Variants in IKBKB-DT observed in about 807,000 individuals in gnomAD.
IKBKB-DT encodes the protein IKBKB divergent transcript.
chr8:42,250,896 A>G (rs1205633887), intron 3 of IKBKB-DT, among the ~76,000 whole-genome samples: 1 of 152,178 alleles, frequency 6.6e-6, no homozygotes, highest in Non-Finnish European at 1.5e-5. Flanking sequence ...AACAAACAAA[A>G]AAACATATTA....
At chr8:42,237,546 C>T (rs1806940645) in intron 3 of IKBKB-DT, among the ~76,000 whole-genome samples, 1 of 151,962 alleles carries the variant, frequency 6.6e-6, no homozygotes, top group Admixed American at 6.6e-5. Flanking sequence ...AGAGGGGGGC[C>T]CTTTCAGTTG....
chr8:42,248,832 G>A (rs1451952479), intron 3 of IKBKB-DT, among the ~76,000 whole-genome samples: 2 of 148,608 alleles, frequency 1.3e-5, no homozygotes, highest in Non-Finnish European at 3.0e-5. Flanking sequence ...AGCTGAGATC[G>A]TGCCCCTGTA....
rs773177896 is a variant in IKBKB-DT at position 42,241,224 on chromosome 8, C to CTTTTTTTTTT, written n.1530-7375_1530-7366dup. On this transcript the variant is annotated intron_variant and non_coding_transcript_variant, in intron 3 of 3. Transcript: ENST00000518213. ...TTGATGCCTTTAGATATGTTGGAAT[C>CTTTTTTTTTT]TTTTTTTTTTTTTTTTTTTTTTTTT... Among the ~76,000 whole-genome samples, 180 of 45,686 alleles carry CTTTTTTTTTT rather than the reference C, an allele frequency of 3.9e-3. 64 individuals carry two copies. The highest frequency in any genetic ancestry group is 6.0e-3 in the Admixed American group (14 of 2,332). 30.0% of individuals were successfully genotyped at this position (45,686 alleles called of 152,430 possible). A position where few individuals can be genotyped will look rare whatever the true frequency, so the allele number is the denominator to read the frequency against.
intron 2 of IKBKB-DT, among the ~76,000 whole-genome samples, chr8:42,264,417 A>G (rs1381450039): frequency 6.6e-6 from 1 of 152,022 alleles, no homozygotes; most frequent in Non-Finnish European, 1.5e-5. Context: ...GGGCTTCCCA[A>G]TGTCCTGGGA....
chr8:42,238,717 C>T (rs544678918), intron 3 of IKBKB-DT, among the ~76,000 whole-genome samples: 1 of 152,132 alleles, frequency 6.6e-6, no homozygotes, highest in East Asian at 1.9e-4. Context: ...AATTCTGGGA[C>T]CAACTGACTC....
At chr8:42,239,439 C>CA (rs1220555191) in intron 3 of IKBKB-DT, among the ~76,000 whole-genome samples, 2 of 151,494 alleles carry the variant, frequency 1.3e-5, no homozygotes, top group African/African-American at 4.8e-5. Context: ...CCCACCAGCT[C>CA]AGCCTAATTT....
intron 3 of IKBKB-DT, among the ~76,000 whole-genome samples, chr8:42,256,530 C>T (rs1335557858): frequency 6.6e-6 from 1 of 152,048 alleles, no homozygotes; most frequent in Non-Finnish European, 1.5e-5. Context: ...CAAGATTGTG[C>T]CATTGCACTC....
exon 2 of IKBKB-DT, among the ~76,000 whole-genome samples, chr8:42,265,965 T>C (rs1442476606): frequency 1.3e-5 from 2 of 152,194 alleles, no homozygotes; most frequent in Admixed American, 1.3e-4. Context: ...CAGCCAGCTC[T>C]GCATGGAGCC....
intron 3 of IKBKB-DT, among the ~76,000 whole-genome samples, chr8:42,234,923 C>T (rs1234389913): frequency 6.6e-6 from 1 of 152,322 alleles, no homozygotes; most frequent in South Asian, 2.1e-4. Context: ...AGCAACTGCG[C>T]TGGCCTATTT....
chr8:42,256,089 G>A (rs2979889), intron 3 of IKBKB-DT, among the ~76,000 whole-genome samples: 3,472 of 151,664 alleles, frequency 0.023, 65 homozygotes, highest in Middle Eastern at 0.045. Context: ...ATGAAAATAA[G>A]AATAGCCAGT....
intron 3 of IKBKB-DT, among the ~76,000 whole-genome samples, chr8:42,260,849 A>C (rs1213310191): frequency 6.6e-6 from 1 of 152,088 alleles, no homozygotes; most frequent in African/African-American, 2.4e-5. Context: ...ACCTCTTAGG[A>C]CTTAAAACCA....
chr8:42,252,727 G>T (rs116466310), intron 3 of IKBKB-DT, among the ~76,000 whole-genome samples: 257 of 152,304 alleles, frequency 1.7e-3, no homozygotes, highest in African/African-American at 5.9e-3. Flanking sequence ...AAAAGAAATA[G>T]TGCTGAATCT....
At chr8:42,235,770 G>T (rs1009710759) in intron 3 of IKBKB-DT, among the ~76,000 whole-genome samples, 1 of 152,100 alleles carries the variant, frequency 6.6e-6, no homozygotes, top group African/African-American at 2.4e-5. Context: ...CAATTAAACC[G>T]TCTTTACTGC....
chr8:42,246,926 G>A (rs186304675), intron 3 of IKBKB-DT, among the ~76,000 whole-genome samples: 1 of 152,120 alleles, frequency 6.6e-6, no homozygotes, highest in Admixed American at 6.6e-5. Context: ...ATCATAGGGA[G>A]CAGACAACCT....
In IKBKB-DT at chr8:42,253,433, A is replaced by AGCAGCTTCAGCTTTT. The variant is rs528913475; in HGVS notation, n.1529+9881_1529+9895dup. ...ATACTCTAAAGTTAATATCAAGTCA[A>AGCAGCTTCAGCTTTT]GCAGCTTCAGCTTTTGCAGCTTCAT... On this transcript the variant is annotated intron_variant and non_coding_transcript_variant, in intron 3 of 3. Transcript: ENST00000518213. Among the ~76,000 whole-genome samples the AGCAGCTTCAGCTTTT allele has an allele frequency of 5.9e-5, 9 of 152,350 alleles. No homozygotes were observed. In the South Asian group the frequency reaches 1.2e-3, roughly 21 times the overall value.
At chr8:42,240,056 T>C (rs1421564310) in intron 3 of IKBKB-DT, among the ~76,000 whole-genome samples, 1 of 152,170 alleles carries the variant, frequency 6.6e-6, no homozygotes, top group Non-Finnish European at 1.5e-5. Flanking sequence ...ATTTTTACAT[T>C]CCCAAGTCAT....
chr8:42,253,676 A>T (rs887921821), intron 3 of IKBKB-DT, among the ~76,000 whole-genome samples: 2 of 152,232 alleles, frequency 1.3e-5, no homozygotes, highest in Non-Finnish European at 2.9e-5. Context: ...GTAAAGAAAT[A>T]GCACTTGAAC....
At position 42,270,944 on chromosome 8, in the gene IKBKB-DT, T is replaced by A. The variant is rs554746659; in HGVS notation, n.310A>T. 2.0e-3 allele frequency: 375 copies of A among 189,012 alleles called. 1 individual carries two copies. Among genetic ancestry groups the A allele is most frequent in the Non-Finnish European group, 3.3e-3 (296 of 88,696 alleles). 11.7% of individuals were successfully genotyped at this position (189,012 alleles called of 1,614,324 possible). A position where few individuals can be genotyped will look rare whatever the true frequency, so the allele number is the denominator to read the frequency against. ...GCAGTAGGGCGGTAGGCAAGGGCAG[T>A]TCTAGCCAACAGTCCCTAAATCATC... On this transcript the variant is annotated non_coding_transcript_exon_variant, in exon 1 of 4. Transcript: ENST00000518213.
chr8:42,268,106 C>A (rs1258999715), intron 1 of IKBKB-DT, among the ~76,000 whole-genome samples: 1 of 151,698 alleles, frequency 6.6e-6, no homozygotes, highest in Non-Finnish European at 1.5e-5. Flanking sequence ...TCCACAGTGC[C>A]CAGCACATAT....
Sources: allele counts gnomAD v4.1 joint callset (sites outside exome capture counted in the v4.1 genomes callset), GRCh38; gene constraint gnomAD v4.1.1; transcripts MANE v1.5; gene names NCBI Gene and HGNC (gene_info 2026-07-23, HGNC 2026-07-21).